Variants in BRD4 observed in about 807,000 individuals in gnomAD.
The protein encoded by BRD4 is bromodomain containing 4.
In BRD4, 16 loss-of-function variants were observed where a neutral mutation model predicts 142.1. The ratio of observed to expected loss-of-function variants is 0.11; its 90% CI spans 0.08 to 0.17. BRD4 has a LOEUF of 0.17. Ranked by LOEUF, BRD4 falls within the 10% of genes least tolerant of loss-of-function variation. The pLI, the probability that BRD4 is intolerant of heterozygous loss-of-function variation, is 1.00. For synonymous variants in BRD4, 833 were observed against 707.5 expected (o/e 1.18, Z -2.82); for missense variants, 1,424 against 1,810.9 (o/e 0.79, Z 3.88).
chr19:15,264,424 T>C lies in BRD4; in HGVS notation c.1192A>G (p.Met398Val). The change falls in exon 6 of 20, where the codon ATG (methionine) becomes GTG (valine). Residue 398 changes from methionine (M) to valine (V), a missense_variant. This residue lies in a region of BRD4 where 30 missense variants were observed against 65.2 expected (regional missense o/e 0.46). Coordinates refer to ENST00000679869, the MANE Select transcript of BRD4 (RefSeq NM_001379291.1). ...CTAACCTTGATTGTGCTCATGTCCA[T>C]GGGGTGCTTGATGATGTCACAGTAG... The part of the protein sequence containing the change: ...HDYCDIIKHP[M>V]DMSTIKSKLE... 6.2e-7 allele frequency: 1 copy of C among 1,609,950 alleles called. No homozygotes were observed. The highest frequency in any genetic ancestry group is 8.5e-7 in the Non-Finnish European group (1 of 1,176,878).
At chr19:15,300,611 C>T (rs559248818) in intron 1 of BRD4, among the ~76,000 whole-genome samples, 308 of 150,600 alleles carry the variant, frequency 2.0e-3, no homozygotes, top group Middle Eastern at 6.8e-3. Flanking sequence ...GGCAATCACC[C>T]GTAAGACAAA....
rs202020555 is a variant in BRD4 at position 15,258,332 on chromosome 19, C to CT, written c.1342-1160dup. Among the ~76,000 whole-genome samples the CT allele has an allele frequency of 5.9e-3, 892 of 151,844 alleles. 4 individuals carry two copies. The highest frequency in any genetic ancestry group is 0.011 in the African/African-American group (470 of 41,398). On this transcript the variant is annotated intron_variant, in intron 7 of 19. Transcript: ENST00000679869. ...GAGTATGACTTCTTTTAGCCAATAA[C>CT]TTTTTTTTTGGAGACAGTCTTCACC...
chr19:15,246,706 C>CA (rs1266727967), intron 11 of BRD4: 1 of 152,330 alleles, frequency 6.6e-6, no homozygotes, highest in Non-Finnish European at 1.5e-5. Context: ...GGACAAAGCG[C>CA]AGCAGGGCCT....
chr19:15,265,341 C>T lies in BRD4; in HGVS notation c.849+13G>A. On this transcript the variant is annotated intron_variant, in intron 5 of 19. Coordinates refer to ENST00000679869, the MANE Select transcript of BRD4 (RefSeq NM_001379291.1). ...CCCTGGTGAAGCAGCCCTCCAGAGT[C>T]CAGGAGACTCACCTTCACAGGCTGT... 1 of 1,494,924 alleles carries T rather than the reference C, an allele frequency of 6.7e-7. No individual in the cohort carries two copies. The highest frequency in any genetic ancestry group is 1.4e-5 in the African/African-American group (1 of 71,438). The allele number at this position is 1,494,924 out of a possible 1,614,324, so 92.6% of individuals were successfully genotyped here. A position where few individuals can be genotyped will look rare whatever the true frequency, so the allele number is the denominator to read the frequency against.
Position 15,272,939 on chromosome 19 carries a change from T to C in BRD4, c.161A>G (p.Asn54Ser), listed in dbSNP as rs2047604768. The C allele has an allele frequency of 6.2e-7, 1 of 1,614,082 alleles. No homozygotes were observed. Among genetic ancestry groups the C allele is most frequent in the Non-Finnish European group, 8.5e-7 (1 of 1,180,010 alleles). ...NPPPPETSNP[N>S]KPKRQTNQLQ... The stretch of plus-strand genomic sequence containing the variant: ...TTGGTTGGTCTGCCTCTTGGGCTTG[T>C]TAGGGTTGGAGGTCTCTGGGGGCGG... The change falls in exon 2 of 20, where the codon AAC becomes AGC. Residue 54 changes from asparagine (N) to serine (S), a missense_variant. By Grantham distance (46) the Asn-to-Ser change is conservative. Transcript: ENST00000679869.
At position 15,294,829 on chromosome 19, in the gene BRD4, A is replaced by G. The variant is rs1213520907; in HGVS notation, c.-34-21696T>C. ...CAGACAGCCAGTGAGGGGCATCTGGAGCCCTGTGCAGTGAAGTAGCAGGCA... is the reference window on the plus strand; with the variant it reads ...CAGACAGCCAGTGAGGGGCATCTGGGGCCCTGTGCAGTGAAGTAGCAGGCA... On this transcript the variant is annotated intron_variant, in intron 1 of 19. Coordinates refer to ENST00000679869, the MANE Select transcript of BRD4 (RefSeq NM_001379291.1). Among the ~76,000 whole-genome samples, 15 of 152,186 alleles carry G rather than the reference A, an allele frequency of 9.9e-5. 1 individual carries two copies. Among genetic ancestry groups the G allele is most frequent in the Admixed American group, 9.8e-4 (15 of 15,276 alleles).
At chr19:15,270,034 G>A (rs1481655342) in intron 2 of BRD4, among the ~76,000 whole-genome samples, 1 of 152,234 alleles carries the variant, frequency 6.6e-6, no homozygotes, top group Non-Finnish European at 1.5e-5. Flanking sequence ...CTGTTGGCCT[G>A]ACCCACCGAT....
At position 15,244,740 on chromosome 19, in the gene BRD4, C is replaced by T. The variant is rs2145517895; in HGVS notation, c.2181G>A (p.Lys727=). 1 of 1,614,166 alleles carries T rather than the reference C, an allele frequency of 6.2e-7. No individual in the cohort carries two copies. ...SETEMAPKSK[K]KGHPGREQKK... is the part of the protein sequence containing the mutation. The stretch of plus-strand genomic sequence containing the variant: ...TCTGCTCCCTCCCGGGGTGCCCCTT[C>T]TTTTTTGACTTCGGAGCCATCTCTG... The change falls in exon 12 of 20, where the codon AAG becomes AAA. Residue 727 remains lysine, a synonymous_variant. Transcript: ENST00000679869.
rs71333363 is a variant in BRD4, at chr19:15,255,199, AG to A, written c.2047+97del. On this transcript the variant is annotated intron_variant, in intron 10 of 19. Transcript: ENST00000679869. ...CAGATATTATAATTGGAAAAAAAAA[AG>A]GGGGGGGGCGCAGAAAGAGTGGACT... The A allele has an allele frequency of 1.3e-3, 1,436 of 1,069,422 alleles. 2 individuals carry two copies. The East Asian group carries it at 0.015, about 11-fold the overall frequency. The allele number at this position is 1,069,422 out of a possible 1,614,324, so 66.2% of individuals were successfully genotyped here. A position where few individuals can be genotyped will look rare whatever the true frequency, so the allele number is the denominator to read the frequency against.
At chr19:15,257,205 C>CT in intron 7 of BRD4, 32 bp from the exon 8 acceptor site, 1 of 1,568,982 alleles carries the variant, frequency 6.4e-7, no homozygotes. Flanking sequence ...GTGACGGCTG[C>CT]TGGGTACCCA....
intron 1 of BRD4, among the ~76,000 whole-genome samples, chr19:15,287,897 T>G (rs564371513): frequency 7.2e-5 from 11 of 151,898 alleles, no homozygotes; most frequent in African/African-American, 2.4e-4. Flanking sequence ...GCCTCCCGAG[T>G]AGCTGGGACT....
chr19:15,267,480 G>A lies in BRD4; in HGVS notation c.495C>T (p.Pro165=), dbSNP rs201212276. The A allele has an allele frequency of 1.5e-5, 24 of 1,613,932 alleles. No homozygotes were observed. Among genetic ancestry groups the A allele is most frequent in the African/African-American group, 2.7e-5 (2 of 74,866 alleles). The change falls in exon 4 of 20, where the codon CCC becomes CCT. Residue 165 remains proline, a synonymous_variant. Coordinates refer to ENST00000679869, the MANE Select transcript of BRD4 (RefSeq NM_001379291.1). The part of the protein sequence containing the change: ...KLFLQKINEL[P]TEETEIMIVQ... ...CTATCATGATCTCGGTTTCTTCTGT[G>A]GGTAGCTCATTTATTTTTTGCAAGA...
intron 1 of BRD4, chr19:15,280,418 A>G: frequency 9.8e-7 from 1 of 1,015,390 alleles, no homozygotes; most frequent in Admixed American, 5.9e-5. Context: ...GCTGGGTCTT[A>G]AGTCAGACTT....
At chr19:15,247,850 G>C (rs891336270) in intron 11 of BRD4, 1 of 230,996 alleles carries the variant, frequency 4.3e-6, no homozygotes, top group African/African-American at 2.2e-5. Context: ...GAGCAGCCCA[G>C]GAACTCCTGA....
At position 15,244,371 on chromosome 19, in the gene BRD4, C is replaced by T; in HGVS notation, c.2441G>A (p.Gly814Asp). The T allele has an allele frequency of 6.2e-7, 1 of 1,604,954 alleles. No homozygotes were observed. Among genetic ancestry groups the T allele is most frequent in the Non-Finnish European group, 8.5e-7 (1 of 1,177,534 alleles). Residue 814 changes from glycine (G) to aspartate (D), a missense_variant, in exon 13 of 20, where the codon GGC becomes GAC. This residue lies in a region of BRD4 where 598 missense variants were observed against 647.8 expected (regional missense o/e 0.92). Transcript: ENST00000679869. ...GTGGCCGATGGGGTCAAAGACGCTGCCTGGGAGCTGGGGCTCCAGGACGGG... is the reference window on the plus strand; with the variant it reads ...GTGGCCGATGGGGTCAAAGACGCTGTCTGGGAGCTGGGGCTCCAGGACGGG... ...QVPVLEPQLP[G>D]SVFDPIGHFT...
At chr19:15,303,741 C>T (rs769103828) in intron 1 of BRD4, among the ~76,000 whole-genome samples, 6 of 152,154 alleles carry the variant, frequency 3.9e-5, no homozygotes, top group Non-Finnish European at 8.8e-5. Flanking sequence ...GAATACAGAA[C>T]CTATCTGCCA....
chr19:15,315,598 T>C (rs759424646), intron 1 of BRD4, among the ~76,000 whole-genome samples: 2 of 152,190 alleles, frequency 1.3e-5, no homozygotes, highest in Non-Finnish European at 2.9e-5. Context: ...CTCACGCCTG[T>C]AATCCCAGCA....
At chr19:15,241,604 G>A (rs922503890) in intron 14 of BRD4, among the ~76,000 whole-genome samples, 2 of 152,128 alleles carry the variant, frequency 1.3e-5, no homozygotes, top group Admixed American at 6.5e-5. Flanking sequence ...CCTCAGCCCC[G>A]ATAGGTGCCT....
chr19:15,259,273 C>T (rs1217376234), intron 7 of BRD4, among the ~76,000 whole-genome samples: 2 of 152,238 alleles, frequency 1.3e-5, no homozygotes, highest in Non-Finnish European at 1.5e-5. Flanking sequence ...TCAGCTATGC[C>T]TCCCAGGACA....
Sources: gnomAD v4.1 joint callset for allele counts (sites outside exome capture counted in the v4.1 genomes callset) on GRCh38, gnomAD v4.1.1 for gene constraint, gnomAD v4.1.1 regional missense constraint, MANE v1.5 for transcripts, NCBI Gene and HGNC (gene_info 2026-07-23, HGNC 2026-07-21) for gene names.